ZNF77: variants seen among roughly 807,000 people sequenced by gnomAD.
ZNF77 encodes zinc finger protein 77.
ZNF77 carries 15 observed loss-of-function variants against 13.5 expected under a neutral mutation model. That is an observed-to-expected ratio of 1.11 (90% CI 0.74 to 1.71). The LOEUF is 1.71. Ranked by LOEUF, ZNF77 falls within the 40% of genes most tolerant of loss-of-function variation. The pLI is 0.00. For synonymous variants in ZNF77, 282 were observed against 250.0 expected (o/e 1.13, Z -1.21); for missense variants, 717 against 676.4 (o/e 1.06, Z -0.67).
In ZNF77 at chr19:2,943,750, G is replaced by GC. The variant is rs2088471789; in HGVS notation, c.3+1087dup. 2.6e-5 allele frequency among the ~76,000 whole-genome samples: 3 copies of GC among 117,008 alleles called. No individual in the cohort carries two copies. In the South Asian group the frequency reaches 8.1e-4, roughly 32 times the overall value. 76.8% of individuals were successfully genotyped at this position (117,008 alleles called of 152,430 possible). A position where few individuals can be genotyped will look rare whatever the true frequency, so the allele number is the denominator to read the frequency against. On this transcript the variant is annotated intron_variant, in intron 1 of 3. Coordinates refer to ENST00000314531, the MANE Select transcript of ZNF77 (RefSeq NM_021217.3). ...TTTTGAGACGGAGTCTTTCTCTGTC[G>GC]CCAGGCTGGAGTGCAGCGGCGCCAT...
chr19:2,937,062 GC>G (rs1454803472), intron 2 of ZNF77, among the ~76,000 whole-genome samples: 2 of 152,106 alleles, frequency 1.3e-5, no homozygotes, highest in African/African-American at 4.8e-5. Flanking sequence ...GGTGTTGTGT[GC>G]CTATAATCCC....
Position 2,934,769 on chromosome 19 carries a change from C to A in ZNF77, c.358G>T (p.Gly120Ter). The A allele has an allele frequency of 1.2e-6, 2 of 1,613,724 alleles. No homozygotes were observed. Among genetic ancestry groups the A allele is most frequent in the South Asian group, 2.2e-5 (2 of 91,056 alleles). ...LCESNEGHQC[G>*]ETLSQTANLL... ...TTCGCAGTCTGGCTCAAGGTCTCTC[C>A]GCATTGATGACCTTCATTACTTTCA... is the stretch of plus-strand genomic sequence containing the variant. The change falls in exon 4 of 4, where the codon GGA (glycine) becomes TGA (stop). Residue 120 changes from glycine to a stop codon, truncating the protein, a stop_gained. Coordinates refer to ENST00000314531, the MANE Select transcript of ZNF77 (RefSeq NM_021217.3). LOFTEE classifies it low-confidence loss of function (END_TRUNC).
At chr19:2,939,665 A>ACTGAGCATGATCCAGCAATGCCCACT (rs2088432545) in intron 1 of ZNF77, 2 of 460,058 alleles carry the variant, frequency 4.3e-6, no homozygotes, top group Admixed American at 3.7e-5. Context: ...GTGGGGAAAC[A>ACTGAGCATGATCCAGCAATGCCCACT]CTGAAAAATC....
intron 3 of ZNF77, 93 bp downstream of exon 3, chr19:2,936,431 G>C (rs531001790): frequency 7.3e-7 from 1 of 1,370,332 alleles, no homozygotes; most frequent in Non-Finnish European, 9.7e-7. Context: ...TTACAGGCGC[G>C]AGCCCCTGTG....
rs906446909 is a variant in ZNF77 at position 2,940,401 on chromosome 19, G to A, written c.4-994C>T. 1.2e-4 allele frequency among the ~76,000 whole-genome samples: 18 copies of A among 151,950 alleles called. No individual in the cohort carries two copies. In the East Asian group the frequency reaches 1.9e-3, roughly 16 times the overall value. Reference sequence around the variant, plus strand: ...TAAAAGAATTTAGGATAGGCCGGGCGTGGTGGCTCACGCCTATAATCCTAG... The same window carrying A: ...TAAAAGAATTTAGGATAGGCCGGGCATGGTGGCTCACGCCTATAATCCTAG... On this transcript the variant is annotated intron_variant, in intron 1 of 3. Transcript: ENST00000314531.
In ZNF77 at chr19:2,936,604, A is replaced by G. The variant is rs1447495003; in HGVS notation, c.231T>C (p.Ser77=). The change falls in exon 3 of 4, where the codon AGT becomes AGC. Residue 77 remains serine (S), a synonymous_variant. Transcript: ENST00000314531. ...NDEEIVKFTG[S]DSWSIFGENW... Reference sequence around the variant, plus strand: ...TTTCTCCAAAAATAGACCAGGAATCACTTCCTGTGAACTTTACAATCTCTT... The same window carrying G: ...TTTCTCCAAAAATAGACCAGGAATCGCTTCCTGTGAACTTTACAATCTCTT... 6.2e-7 allele frequency: 1 copy of G among 1,611,118 alleles called. No individual in the cohort carries two copies. The highest frequency in any genetic ancestry group is 8.5e-7 in the Non-Finnish European group (1 of 1,179,212).
At chr19:2,940,678 GAAAAAAA>G (rs71179936) in intron 1 of ZNF77, among the ~76,000 whole-genome samples, 39 of 114,610 alleles carry the variant, frequency 3.4e-4, no homozygotes, top group Middle Eastern at 9.7e-3. Context: ...TCACAAAAAA[GAAAAAAA>G]AAAAAAAAAA....
Position 2,933,784 on chromosome 19 carries a change from T to G in ZNF77, c.1343A>C (p.His448Pro). 6.2e-7 allele frequency: 1 copy of G among 1,612,076 alleles called. No homozygotes were observed. The highest frequency in any genetic ancestry group is 1.3e-5 in the African/African-American group (1 of 74,654). ...CKHCGKAFSCHSSLREHVRTH... is the reference protein window; with the variant it reads ...CKHCGKAFSCPSSLREHVRTH... ...TCGCACATGCTCTCGAAGGGAGGAG[T>G]GACAGCTGAAGGCTTTCCCACAATG... is the stretch of plus-strand genomic sequence containing the variant. The change falls in exon 4 of 4, where the codon CAC becomes CCC. Residue 448 changes from histidine (H) to proline (P), a missense_variant. His to Pro is a moderately conservative substitution (Grantham distance 77). Coordinates refer to ENST00000314531, the MANE Select transcript of ZNF77 (RefSeq NM_021217.3).
rs2088368663 is a variant in ZNF77 at position 2,933,910 on chromosome 19, T to G, written c.1217A>C (p.Lys406Thr). The change falls in exon 4 of 4, where the codon AAG becomes ACG. Residue 406 changes from lysine (K) to threonine (T), a missense_variant. Lys to Thr is a moderately conservative substitution (Grantham distance 78). Coordinates refer to ENST00000314531, the MANE Select transcript of ZNF77 (RefSeq NM_021217.3). The part of the protein sequence containing the change: ...RRHVKTHSGV[K>T]PYQCKECGKA... ...CCCACACTCTTTACATTGATAGGGC[T>G]TCACCCCGCTGTGTGTTTTCACATG... is the stretch of plus-strand genomic sequence containing the variant. 6.2e-7 allele frequency: 1 copy of G among 1,613,526 alleles called. No individual in the cohort carries two copies. Among genetic ancestry groups the G allele is most frequent in the Non-Finnish European group, 8.5e-7 (1 of 1,179,910 alleles).
chr19:2,937,116 G>A (rs565375716), intron 2 of ZNF77, among the ~76,000 whole-genome samples: 23 of 152,272 alleles, frequency 1.5e-4, no homozygotes, highest in Admixed American at 1.3e-3. Flanking sequence ...TTGAGCCCAG[G>A]AGGTCAAAGC....
intron 1 of ZNF77, among the ~76,000 whole-genome samples, chr19:2,941,728 C>T (rs187358595): frequency 1.6e-3 from 241 of 152,184 alleles, no homozygotes; most frequent in African/African-American, 4.9e-3. Flanking sequence ...TACTGTGGGT[C>T]GTATATTACA....
intron 1 of ZNF77, among the ~76,000 whole-genome samples, chr19:2,943,896 G>C (rs2088473197): frequency 6.6e-6 from 1 of 151,762 alleles, no homozygotes; most frequent in African/African-American, 2.4e-5. Flanking sequence ...TTTTAGTAGA[G>C]ACGGGATTTC....
In ZNF77 at chr19:2,933,717, C is replaced by T. The variant is rs763194559; in HGVS notation, c.1410G>A (p.Gly470=). 1.6e-5 allele frequency: 26 copies of T among 1,611,440 alleles called. No individual in the cohort carries two copies. Among genetic ancestry groups the T allele is most frequent in the Non-Finnish European group, 2.0e-5 (24 of 1,178,000 alleles). ...AGTACTGAGCGTGGCTGAAGGCTTT[C>T]CCACATTGATTACATTCGTACGGTT... The part of the protein sequence containing the change: ...GEKPYECNQC[G]KAFSHAQYFQ... Residue 470 remains glycine, a synonymous_variant, in exon 4 of 4, where the codon GGG becomes GGA. Transcript: ENST00000314531.
In ZNF77 at chr19:2,936,701, C is replaced by A. The variant is rs1352594912; in HGVS notation, c.134G>T (p.Cys45Phe). ...TCCACTGGTTCTAACATAAATGTAA[C>A]AATCTGCAACAATCAATTACACAAT... ...ETCRNLASLD[C>F]YIYVRTSGSS... is the part of the protein sequence containing the mutation. Residue 45 changes from cysteine to phenylalanine, a missense_variant, in exon 3 of 4, where the codon TGT (cysteine) becomes TTT (phenylalanine). Transcript: ENST00000314531. The A allele has an allele frequency of 3.1e-6, 5 of 1,598,734 alleles. No individual in the cohort carries two copies. The highest frequency in any genetic ancestry group is 3.6e-5 in the Admixed American group (2 of 55,928).
intron 1 of ZNF77, among the ~76,000 whole-genome samples, chr19:2,943,260 C>A (rs2088466051): frequency 6.6e-6 from 1 of 151,906 alleles, no homozygotes; most frequent in African/African-American, 2.4e-5. Flanking sequence ...ACTCTCCTGC[C>A]TCTAATCCAA....
chr19:2,933,677 T>G lies in ZNF77; in HGVS notation c.1450A>C (p.Arg484=). The change falls in exon 4 of 4, where the codon AGA becomes CGA. Residue 484 remains arginine, a synonymous_variant. Coordinates refer to ENST00000314531, the MANE Select transcript of ZNF77 (RefSeq NM_021217.3). ...TAGGGTTTGACCCCACTGTGTGATC[T>G]CACATGCTTTTGAAAGTACTGAGCG... ...SHAQYFQKHV[R]SHSGVKPYEC... 6.2e-7 allele frequency: 1 copy of G among 1,612,672 alleles called. No homozygotes were observed. Among genetic ancestry groups the G allele is most frequent in the Non-Finnish European group, 8.5e-7 (1 of 1,179,002 alleles).
In ZNF77 at chr19:2,933,797, C is replaced by T; in HGVS notation, c.1330G>A (p.Ala444Thr). 6.2e-7 allele frequency: 1 copy of T among 1,613,116 alleles called. No homozygotes were observed. The highest frequency in any genetic ancestry group is 8.5e-7 in the Non-Finnish European group (1 of 1,179,228). Reference sequence around the variant, plus strand: ...CGAAGGGAGGAGTGACAGCTGAAGGCTTTCCCACAATGCTTACACTCAAAG... The same window carrying T: ...CGAAGGGAGGAGTGACAGCTGAAGGTTTTCCCACAATGCTTACACTCAAAG... ...KPFECKHCGK[A>T]FSCHSSLREH... The change falls in exon 4 of 4, where the codon GCC (alanine) becomes ACC (threonine). Residue 444 changes from alanine (A) to threonine (T), a missense_variant. Ala to Thr is a moderately conservative substitution (Grantham distance 58). Transcript: ENST00000314531.
rs2144958384 is a variant in ZNF77 at position 2,934,403 on chromosome 19, A to G, written c.724T>C (p.Cys242Arg). 5 of 1,614,110 alleles carry G rather than the reference A, an allele frequency of 3.1e-6. No individual in the cohort carries two copies. The East Asian group carries it at 1.1e-4, about 36-fold the overall frequency. Residue 242 changes from cysteine to arginine, a missense_variant, in exon 4 of 4, where the codon TGT becomes CGT. By Grantham distance (180) the Cys-to-Arg change is radical. Coordinates refer to ENST00000314531, the MANE Select transcript of ZNF77 (RefSeq NM_021217.3). Reference protein sequence around the residue: ...NSHHGQKTHACKVCGKTFMYY... With the variant: ...NSHHGQKTHARKVCGKTFMYY... ...ATAAAGGTCTTCCCACATACTTTAC[A>G]TGCATGGGTTTTCTGCCCATGATGA... is the stretch of plus-strand genomic sequence containing the variant.
chr19:2,937,476 G>A (rs2088407849), intron 2 of ZNF77, among the ~76,000 whole-genome samples: 1 of 150,954 alleles, frequency 6.6e-6, no homozygotes, highest in Non-Finnish European at 1.5e-5. Flanking sequence ...TGGGCAGTAA[G>A]AGTGAAACTG....
Sources: gnomAD v4.1 joint callset for allele counts (sites outside exome capture counted in the v4.1 genomes callset) on GRCh38, gnomAD v4.1.1 for gene constraint, MANE v1.5 for transcripts, NCBI Gene and HGNC (gene_info 2026-07-23, HGNC 2026-07-21) for gene names.